The following KCNH1 variants were observed in gnomAD, a reference collection of about 807,000 sequenced individuals.
The protein encoded by KCNH1 is potassium voltage-gated channel subfamily H member 1.
KCNH1 carries 27 observed loss-of-function variants against 69.2 expected under a neutral mutation model. The observed-to-expected ratio is 0.39, with a 90% CI of 0.29 to 0.54. The LOEUF (loss-of-function observed/expected upper bound fraction) is 0.54. Ranked by LOEUF, KCNH1 falls within the 20% of genes least tolerant of loss-of-function variation. The probability of loss-of-function intolerance (pLI) is 0.68; values close to 1 mark genes in which losing one functional copy is unlikely to be tolerated. For missense variants in KCNH1, 798 were observed against 1,261.6 expected (o/e 0.63, Z 5.57); for synonymous variants, 456 against 487.7 (o/e 0.93, Z 0.86).
intron 7 of KCNH1, among the ~76,000 whole-genome samples, chr1:210,892,987 G>T (rs912667822): frequency 6.6e-6 from 1 of 152,136 alleles, no homozygotes; most frequent in African/African-American, 2.4e-5. Flanking sequence ...CCTTGGGAGG[G>T]ATACTGATTC....
intron 7 of KCNH1, chr1:210,860,660 G>C (rs1242844675): frequency 2.6e-6 from 2 of 780,404 alleles, no homozygotes; most frequent in Non-Finnish European, 4.7e-6. Flanking sequence ...TGCATTACAG[G>C]TCTGATAAAT....
At chr1:210,816,129 C>A (rs771589244) in intron 7 of KCNH1, among the ~76,000 whole-genome samples, 1 of 152,096 alleles carries the variant, frequency 6.6e-6, no homozygotes, top group Non-Finnish European at 1.5e-5. Flanking sequence ...TCAGCCATTG[C>A]CATAGGCATA....
At chr1:210,759,154 T>TAAAC (rs1683459810) in intron 10 of KCNH1, among the ~76,000 whole-genome samples, 1 of 46,474 alleles carries the variant, frequency 2.2e-5, no homozygotes, top group South Asian at 9.4e-4. Context: ...ATCCAAATGA[T>TAAAC]AGACACACAC....
At chr1:210,694,190 C>T (rs868015269) in intron 10 of KCNH1, among the ~76,000 whole-genome samples, 8 of 150,396 alleles carry the variant, frequency 5.3e-5, no homozygotes, top group African/African-American at 1.5e-4. Flanking sequence ...AAGACCATGC[C>T]GGTAAAGACA....
chr1:210,869,775 G>A (rs2102493059), intron 7 of KCNH1, among the ~76,000 whole-genome samples: 1 of 152,206 alleles, frequency 6.6e-6, no homozygotes, highest in East Asian at 1.9e-4. Flanking sequence ...TATTAAGCAA[G>A]GACCCTAAAT....
At chr1:210,888,772 A>T (rs1686677578) in intron 7 of KCNH1, among the ~76,000 whole-genome samples, 1 of 152,246 alleles carries the variant, frequency 6.6e-6, no homozygotes, top group African/African-American at 2.4e-5. Flanking sequence ...AGAATACTAT[A>T]AACGCCTCTA....
At chr1:210,769,349 A>C (rs1216497404) in intron 10 of KCNH1, among the ~76,000 whole-genome samples, 1 of 152,194 alleles carries the variant, frequency 6.6e-6, no homozygotes, top group Non-Finnish European at 1.5e-5. Flanking sequence ...TCTTTGGTTA[A>C]AGTGGGCTAG....
intron 7 of KCNH1, among the ~76,000 whole-genome samples, chr1:210,867,536 A>G (rs972066822): frequency 1.3e-5 from 2 of 151,976 alleles, no homozygotes; most frequent in Non-Finnish European, 2.9e-5. Context: ...TTATTGAGGT[A>G]TAATTTACAT....
At chr1:210,701,670 C>G (rs1258386550) in intron 10 of KCNH1, among the ~76,000 whole-genome samples, 1 of 151,940 alleles carries the variant, frequency 6.6e-6, no homozygotes, top group African/African-American at 2.4e-5. Flanking sequence ...CCCAATAAAC[C>G]CATCATGAAT....
chr1:211,021,689 G>T (rs773913587), intron 5 of KCNH1, among the ~76,000 whole-genome samples: 3 of 151,402 alleles, frequency 2.0e-5, no homozygotes, highest in Non-Finnish European at 4.4e-5. Flanking sequence ...TACACCAATA[G>T]CAAACAATCT....
chr1:210,896,058 T>C (rs1456797695), intron 7 of KCNH1, among the ~76,000 whole-genome samples: 1 of 152,144 alleles, frequency 6.6e-6, no homozygotes, highest in Non-Finnish European at 1.5e-5. Context: ...GCTAAACATG[T>C]AGGAGGTTTT....
At chr1:211,055,190 A>G (rs561284623) in intron 5 of KCNH1, among the ~76,000 whole-genome samples, 1 of 152,230 alleles carries the variant, frequency 6.6e-6, no homozygotes, top group Non-Finnish European at 1.5e-5. Flanking sequence ...TAAATTGCCT[A>G]TACCACCCCT....
intron 6 of KCNH1, among the ~76,000 whole-genome samples, chr1:210,923,668 C>T (rs1687508968): frequency 6.6e-6 from 1 of 152,258 alleles, no homozygotes; most frequent in Admixed American, 6.5e-5. Flanking sequence ...GCACCAACTC[C>T]TCCATGTGTC....
chr1:211,023,161 AATT>A (rs1440343325), intron 5 of KCNH1, among the ~76,000 whole-genome samples: 2 of 82,074 alleles, frequency 2.4e-5, no homozygotes, highest in African/African-American at 4.9e-5. Context: ...TAAATAAATA[AATT>A]AAAAATGCTG....
At chr1:211,123,513 A>G (rs183436219) in intron 1 of KCNH1, among the ~76,000 whole-genome samples, 6 of 152,270 alleles carry the variant, frequency 3.9e-5, no homozygotes, top group Admixed American at 3.3e-4. Flanking sequence ...GCAGAGACAG[A>G]CAGCAAAGAG....
rs1489593416 is a variant in KCNH1 at position 210,819,155 on chromosome 1, AT to A, written c.1463-14990del. Reference sequence around the variant, plus strand: ...CTGGGTACTAATGATTTAAAAAAAAATAGGAGGAAGAGTTAATTGAAGAAAT... The same window carrying A: ...CTGGGTACTAATGATTTAAAAAAAAAAGGAGGAAGAGTTAATTGAAGAAAT... On this transcript the variant is annotated intron_variant, in intron 7 of 10. Coordinates refer to ENST00000271751, the MANE Select transcript of KCNH1 (RefSeq NM_172362.3). Among the ~76,000 whole-genome samples, 5 of 152,208 alleles carry A rather than the reference AT, an allele frequency of 3.3e-5. No homozygotes were observed. In the East Asian group the frequency reaches 9.6e-4, roughly 29 times the overall value.
chr1:211,029,119 C>T, intron 5 of KCNH1, among the ~76,000 whole-genome samples: 1 of 135,044 alleles, frequency 7.4e-6, no homozygotes, highest in South Asian at 2.3e-4. Flanking sequence ...TGTTTGAGGC[C>T]AGAAATTCAA....
intron 6 of KCNH1, among the ~76,000 whole-genome samples, chr1:210,953,311 C>T (rs1477481587): frequency 6.6e-6 from 1 of 152,220 alleles, no homozygotes; most frequent in Non-Finnish European, 1.5e-5. Context: ...AACCTCCTCA[C>T]CACTCAGGTT....
intron 10 of KCNH1, among the ~76,000 whole-genome samples, chr1:210,734,788 C>A (rs182062813): frequency 3.3e-5 from 5 of 151,960 alleles, no homozygotes; most frequent in Non-Finnish European, 5.9e-5. Flanking sequence ...CCCGTTTGAA[C>A]AAAAAGCCTT....
Sources: gnomAD v4.1 joint callset for allele counts (sites outside exome capture counted in the v4.1 genomes callset) on GRCh38, gnomAD v4.1.1 for gene constraint, MANE v1.5 for transcripts, NCBI Gene and HGNC (gene_info 2026-07-23, HGNC 2026-07-21) for gene names.